TSEN54: variants seen among roughly 807,000 people sequenced by gnomAD.
TSEN54 encodes tRNA-splicing endonuclease subunit Sen54.
TSEN54 carries 55 observed loss-of-function variants against 61.9 expected under a neutral mutation model. The ratio of observed to expected loss-of-function variants is 0.89; its 90% CI spans 0.72 to 1.11. TSEN54 has a LOEUF of 1.11. TSEN54 is among the 50% of genes most tolerant of loss of function. TSEN54 has a pLI of 0.00. For missense variants in TSEN54, 760 were observed against 687.7 expected (o/e 1.11, Z -1.18); for synonymous variants, 304 against 288.7 (o/e 1.05, Z -0.54).
chr17:75,522,428 G>T, intron 8 of TSEN54, 95 bp downstream of exon 8: 1 of 1,527,260 alleles, frequency 6.5e-7, no homozygotes. Context: ...ATGGATTGAG[G>T]CTTAAGGAAG....
Position 75,522,126 on chromosome 17 carries a change from T to C in TSEN54, c.1045T>C (p.Ser349Pro). The C allele has an allele frequency of 6.4e-7, 1 of 1,569,490 alleles. No individual in the cohort carries two copies. Among genetic ancestry groups the C allele is most frequent in the Non-Finnish European group, 8.6e-7 (1 of 1,156,320 alleles). The change falls in exon 8 of 11, where the codon TCC becomes CCC. Residue 349 changes from serine to proline, a missense_variant. This residue lies in a region of TSEN54 where 667 missense variants were observed against 577.8 expected (regional missense o/e 1.15). Transcript: ENST00000333213. ...QKLNQRKEKL[S>P]RREREHHAEA... ...GCTGAACCAGCGCAAGGAGAAGCTCTCCAGGCGGGAACGGGAGCACCACGC... is the reference window on the plus strand; with the variant it reads ...GCTGAACCAGCGCAAGGAGAAGCTCCCCAGGCGGGAACGGGAGCACCACGC...
At position 75,524,250 on chromosome 17, in the gene TSEN54, T is replaced by C. The variant is rs781075944; in HGVS notation, c.1431-12T>C. ...TATGGCTGGGTCTCACTCTAACCCTTTGTCCCTGCAGATTTGATGAGCCTG... is the reference window on the plus strand; with the variant it reads ...TATGGCTGGGTCTCACTCTAACCCTCTGTCCCTGCAGATTTGATGAGCCTG... On this transcript the variant is annotated splice_polypyrimidine_tract_variant and intron_variant, in intron 10 of 10. Transcript: ENST00000333213. 4 of 1,614,144 alleles carry C rather than the reference T, an allele frequency of 2.5e-6. No individual in the cohort carries two copies. Among genetic ancestry groups the C allele is most frequent in the Non-Finnish European group, 3.4e-6 (4 of 1,180,022 alleles).
Position 75,521,727 on chromosome 17 carries a change from GCCCTGGACAACT to G in TSEN54, c.652_663del (p.Asp218_Leu221del). On this transcript the variant is annotated inframe_deletion, in exon 8 of 11. Transcript: ENST00000333213. ...CAGGTCCATTAATAAGAAGGCCAAG[GCCCTGGACAACT>G]CCCTGCAACCCAAGAGTCTGGCAGC... 1 of 1,613,044 alleles carries G rather than the reference GCCCTGGACAACT, an allele frequency of 6.2e-7. No homozygotes were observed. Among genetic ancestry groups the G allele is most frequent in the East Asian group, 2.2e-5 (1 of 44,860 alleles).
At chr17:75,519,803 C>T (rs549484123) in intron 6 of TSEN54, among the ~76,000 whole-genome samples, 74 of 152,070 alleles carry the variant, frequency 4.9e-4, no homozygotes, top group African/African-American at 1.7e-3. Context: ...GAACTCCTGA[C>T]CTCAAATGAT....
At chr17:75,522,654 C>T (rs9914410) in intron 8 of TSEN54, 2 of 815,380 alleles carry the variant, frequency 2.5e-6, no homozygotes, top group African/African-American at 3.5e-5. Context: ...GAGGTGCCTT[C>T]TTGGCCAAGT....
chr17:75,516,668 G>A (rs1217505408), intron 1 of TSEN54, 52 bp downstream of exon 1: 4 of 1,287,306 alleles, frequency 3.1e-6, no homozygotes, highest in Non-Finnish European at 3.9e-6. Flanking sequence ...GCCAGCGCGG[G>A]TAGGGAAACC....
At chr17:75,517,720 C>T (rs1487662082) in intron 5 of TSEN54, 65 bp downstream of exon 5, 2 of 1,377,316 alleles carry the variant, frequency 1.5e-6, no homozygotes, top group Middle Eastern at 1.8e-4. Flanking sequence ...TTGACAAGTA[C>T]CCATAAGGTG....
chr17:75,521,676 A>G (rs2053428378), intron 7 of TSEN54, 29 bp from the exon 8 acceptor site: 1 of 1,610,538 alleles, frequency 6.2e-7, no homozygotes, highest in Non-Finnish European at 8.5e-7. Context: ...CCAGGGGCAG[A>G]TGTGCTGCTT....
Position 75,524,284 on chromosome 17 carries a change from C to T in TSEN54, c.1453C>T (p.Leu485Phe). The change falls in exon 11 of 11, where the codon CTC becomes TTC. Residue 485 changes from leucine (L) to phenylalanine (F), a missense_variant. Leu to Phe is a conservative substitution (Grantham distance 22). Transcript: ENST00000333213. ...ISGFDEPVPD[L>F]CSLKRLSYQS... is the part of the protein sequence containing the mutation. ...CAGATTTGATGAGCCTGTCCCAGAC[C>T]TCTGCAGCCTCAAGCGGTTGTCTTA... 1.2e-6 allele frequency: 2 copies of T among 1,614,202 alleles called. No homozygotes were observed. The highest frequency in any genetic ancestry group is 1.7e-6 in the Non-Finnish European group (2 of 1,180,048).
At chr17:75,519,107 C>G in intron 6 of TSEN54, 60 bp downstream of exon 6, 1 of 1,594,978 alleles carries the variant, frequency 6.3e-7, no homozygotes, top group Non-Finnish European at 8.6e-7. Flanking sequence ...GCTGACTAGT[C>G]TAAGGTAGAA....
Position 75,517,208 on chromosome 17 carries a change from C to G in TSEN54, c.333C>G (p.Arg111=), listed in dbSNP as rs6501818. Residue 111 remains arginine (R), a synonymous_variant, in exon 4 of 11, where the codon CGC becomes CGG. Transcript: ENST00000333213. ...GCTTCTCAGAGCAGGGCCGGCAGCGCCTTCACCCGGAAGAGGCCTTGTATC... is the reference window on the plus strand; with the variant it reads ...GCTTCTCAGAGCAGGGCCGGCAGCGGCTTCACCCGGAAGAGGCCTTGTATC... ...TMGFSEQGRQ[R]LHPEEALYLL... The G allele has an allele frequency of 0.14, 222,701 of 1,605,396 alleles. 17,701 individuals are homozygous for G. The highest frequency in any genetic ancestry group is 0.34 in the African/African-American group (25,573 of 74,708).
intron 5 of TSEN54, 143 bp from the exon 6 acceptor site, chr17:75,518,852 G>T: frequency 6.4e-7 from 1 of 1,556,440 alleles, no homozygotes; most frequent in East Asian, 2.3e-5. Flanking sequence ...ATGAAGCATG[G>T]TCCAACCTTA....
Position 75,516,615 on chromosome 17 carries a change from A to G in TSEN54, c.55A>G (p.Ser19Gly). 1 of 1,184,328 alleles carries G rather than the reference A, an allele frequency of 8.4e-7. No individual in the cohort carries two copies. Among genetic ancestry groups the G allele is most frequent in the Non-Finnish European group, 1.0e-6 (1 of 958,668 alleles). The allele number at this position is 1,184,328 out of a possible 1,614,324, so 73.4% of individuals were successfully genotyped here. A position where few individuals can be genotyped will look rare whatever the true frequency, so the allele number is the denominator to read the frequency against. The part of the protein sequence containing the change: ...AVEVPAGRVL[S>G]ARELFAARSR... Reference sequence around the variant, plus strand: ...GGAGGTTCCCGCGGGGCGCGTGCTCAGGTGCGGCGCGGCCCGGCCGGAGTG... The same window carrying G: ...GGAGGTTCCCGCGGGGCGCGTGCTCGGGTGCGGCGCGGCCCGGCCGGAGTG... The change falls in exon 1 of 11, where the codon AGC becomes GGC. Residue 19 changes from serine to glycine, a missense_variant and splice_region_variant. Ser to Gly is a moderately conservative substitution (Grantham distance 56). Transcript: ENST00000333213.
chr17:75,519,067 C>T lies in TSEN54; in HGVS notation c.521+20C>T. 1 of 1,613,814 alleles carries T rather than the reference C, an allele frequency of 6.2e-7. No individual in the cohort carries two copies. Among genetic ancestry groups the T allele is most frequent in the East Asian group, 2.2e-5 (1 of 44,876 alleles). ...ACCAAGGTAAATCCCCTTCCTGTTC[C>T]CCTTCCATATATTCTAGTCCTGGGA... On this transcript the variant is annotated intron_variant, in intron 6 of 10. Coordinates refer to ENST00000333213, the MANE Select transcript of TSEN54 (RefSeq NM_207346.3).
At position 75,521,860 on chromosome 17, in the gene TSEN54, T is replaced by C. The variant is rs1724622632; in HGVS notation, c.779T>C (p.Leu260Pro). 2 of 1,611,826 alleles carry C rather than the reference T, an allele frequency of 1.2e-6. No individual in the cohort carries two copies. Among genetic ancestry groups the C allele is most frequent in the Non-Finnish European group, 1.7e-6 (2 of 1,179,470 alleles). Residue 260 changes from leucine (L) to proline (P), a missense_variant, in exon 8 of 11, where the codon CTT (leucine) becomes CCT (proline). Physicochemically the swap from Leu to Pro is moderately conservative, Grantham distance 98. Transcript: ENST00000333213. The part of the protein sequence containing the change: ...PMKGPGGPFQ[L>P]LGSLGPSPGP... The stretch of plus-strand genomic sequence containing the variant: ...AAGGGCCCAGGGGGCCCCTTTCAGC[T>C]TCTGGGGTCCCTGGGCCCCAGCCCT...
intron 3 of TSEN54, 38 bp from the exon 4 acceptor site, chr17:75,517,123 C>T (rs199512159): frequency 3.3e-6 from 5 of 1,515,728 alleles, no homozygotes; most frequent in Middle Eastern, 3.4e-4. Flanking sequence ...CCTCCCTGCC[C>T]TCCCTCCCTT....
At chr17:75,517,463 G>A (rs1250081196) in intron 4 of TSEN54, 94 bp from the exon 5 acceptor site, 13 of 1,235,240 alleles carry the variant, frequency 1.1e-5, no homozygotes, top group South Asian at 8.4e-5. Flanking sequence ...CTGCTGAGAG[G>A]GGGAGGGGGA....
chr17:75,516,849 C>G lies in TSEN54; in HGVS notation c.160C>G (p.Arg54Gly). 1 of 1,577,546 alleles carries G rather than the reference C, an allele frequency of 6.3e-7. No individual in the cohort carries two copies. Among genetic ancestry groups the G allele is most frequent in the Non-Finnish European group, 8.6e-7 (1 of 1,168,864 alleles). ...LPDGSAAQAE[R>G]LRRCREELWQ... Reference sequence around the variant, plus strand: ...CGACGGCTCGGCAGCTCAGGCCGAGCGGCTGCGCCGGTGCCGGGAAGAGCT... The same window carrying G: ...CGACGGCTCGGCAGCTCAGGCCGAGGGGCTGCGCCGGTGCCGGGAAGAGCT... The change falls in exon 2 of 11, where the codon CGG becomes GGG. Residue 54 changes from arginine (R) to glycine (G), a missense_variant. This residue lies in a region of TSEN54 where 667 missense variants were observed against 577.8 expected (regional missense o/e 1.15). Coordinates refer to ENST00000333213, the MANE Select transcript of TSEN54 (RefSeq NM_207346.3).
rs374987874 is a variant in TSEN54, at chr17:75,523,718, G to A, written c.1369G>A (p.Ala457Thr). ...EIIFDVYQAD[A>T]VATFRKNNPG... ...CATCTTTGATGTTTACCAGGCCGAC[G>A]CTGTGGCCACATTCCGAAAGAATAA... Residue 457 changes from alanine (A) to threonine (T), a missense_variant, in exon 10 of 11, where the codon GCT (alanine) becomes ACT (threonine). Physicochemically the swap from Ala to Thr is moderately conservative, Grantham distance 58. Transcript: ENST00000333213. 1.4e-5 allele frequency: 23 copies of A among 1,614,054 alleles called. No homozygotes were observed. Among genetic ancestry groups the A allele is most frequent in the Admixed American group, 3.3e-5 (2 of 60,012 alleles).
Sources: allele counts gnomAD v4.1 joint callset (sites outside exome capture counted in the v4.1 genomes callset), GRCh38; gene constraint gnomAD v4.1.1; regional missense constraint gnomAD v4.1.1; transcripts MANE v1.5; gene names NCBI Gene and HGNC (gene_info 2026-07-23, HGNC 2026-07-21).